TMEM217: variants seen among roughly 807,000 people sequenced by gnomAD.
TMEM217 encodes the protein transmembrane protein 217.
For synonymous variants in TMEM217, 76 were observed against 88.3 expected, an observed-to-expected ratio of 0.86 and a Z score of 0.78; for missense variants, 204 against 248.8, an observed-to-expected ratio of 0.82 and a Z score of 1.21.
intron 1 of TMEM217, among the ~76,000 whole-genome samples, chr6:37,229,351 T>TTG (rs1764056625): frequency 7.3e-6 from 1 of 136,428 alleles, no homozygotes; most frequent in African/African-American, 2.8e-5. Flanking sequence ...TTTTTTTTTT[T>TTG]TTTTTTTTTG....
At chr6:37,248,263 G>A (rs560570111) in intron 1 of TMEM217, among the ~76,000 whole-genome samples, 19 of 152,238 alleles carry the variant, frequency 1.2e-4, no homozygotes, top group Admixed American at 1.2e-3. Flanking sequence ...GGGGCTGTAT[G>A]TTTACAGTGC....
At chr6:37,257,706 A>G (rs1481570101) in exon 1 of TMEM217, 5 of 547,722 alleles carry the variant, frequency 9.1e-6, no homozygotes, top group African/African-American at 5.9e-5. Context: ...CCGGCTCCCA[A>G]TTGGTCGGCC....
intron 1 of TMEM217, among the ~76,000 whole-genome samples, chr6:37,238,976 A>G (rs993873146): frequency 1.9e-4 from 29 of 152,236 alleles, no homozygotes; most frequent in African/African-American, 5.3e-4. Flanking sequence ...CTAAAAATAC[A>G]AAAATTAGCC....
exon 2 of TMEM217, chr6:37,218,896 G>A: frequency 6.2e-7 from 1 of 1,614,080 alleles, no homozygotes; most frequent in South Asian, 1.1e-5. Flanking sequence ...ACTTTGGTGT[G>A]ATCTCAGTGC....
downstream of TMEM217, among the ~76,000 whole-genome samples, chr6:37,217,244 A>G (rs1763254183): frequency 6.6e-6 from 1 of 152,240 alleles, no homozygotes; most frequent in Non-Finnish European, 1.5e-5. Context: ...CAGTGAGCCG[A>G]GGTCGCACCA....
downstream of TMEM217, among the ~76,000 whole-genome samples, chr6:37,216,988 C>A (rs543271087): frequency 8.5e-5 from 13 of 152,254 alleles, no homozygotes; most frequent in African/African-American, 2.4e-4. Context: ...AATCTCAGCT[C>A]TTTATAAATT....
chr6:37,237,980 C>T (rs1764581766), intron 1 of TMEM217, among the ~76,000 whole-genome samples: 1 of 152,066 alleles, frequency 6.6e-6, no homozygotes, highest in Admixed American at 6.5e-5. Flanking sequence ...CAGCCAGATG[C>T]AAATTGCTGA....
At chr6:37,254,268 T>A (rs930170281) in intron 1 of TMEM217, among the ~76,000 whole-genome samples, 3 of 152,196 alleles carry the variant, frequency 2.0e-5, no homozygotes, top group Non-Finnish European at 4.4e-5. Flanking sequence ...ACTGGTCTAG[T>A]GGACCAGTGA....
Position 37,241,216 on chromosome 6 carries a change from G to A in TMEM217, c.-12+16352C>T, listed in dbSNP as rs1764749429. ...TGGGCCCCAGTCTCCCAAGTAGTTA[G>A]AACTACAGCTGCGTGACACCATACC... On this transcript the variant is annotated intron_variant, in intron 1 of 1. Coordinates refer to ENST00000357219, the Ensembl canonical transcript of TMEM217. 2.7e-5 allele frequency among the ~76,000 whole-genome samples: 4 copies of A among 150,272 alleles called. 1 individual carries two copies. In the South Asian group the frequency reaches 8.4e-4, roughly 32 times the overall value.
At chr6:37,213,051 C>T, downstream of TMEM217, 1 of 1,166,376 alleles carries the variant, frequency 8.6e-7, no homozygotes, top group Non-Finnish European at 1.2e-6. Context: ...TAGCCTTAGA[C>T]AAATCCCCCA....
chr6:37,224,218 C>T (rs1360670639), intron 1 of TMEM217, among the ~76,000 whole-genome samples: 5 of 150,544 alleles, frequency 3.3e-5, no homozygotes, highest in African/African-American at 1.2e-4. Context: ...GGATTACAGG[C>T]GTGAGCCACC....
chr6:37,236,006 C>T (rs887959362), intron 1 of TMEM217, among the ~76,000 whole-genome samples: 2 of 152,082 alleles, frequency 1.3e-5, no homozygotes, highest in African/African-American at 4.8e-5. Flanking sequence ...AATATTCATA[C>T]TAGAAAAATA....
chr6:37,221,194 T>C (rs927015524), intron 1 of TMEM217, among the ~76,000 whole-genome samples: 17 of 151,864 alleles, frequency 1.1e-4, no homozygotes, highest in Non-Finnish European at 1.3e-4. Flanking sequence ...TGGAGTCTTT[T>C]TTTTTTTTTT....
intron 1 of TMEM217, among the ~76,000 whole-genome samples, chr6:37,244,096 C>T: frequency 6.6e-6 from 1 of 152,238 alleles, no homozygotes; most frequent in East Asian, 1.9e-4. Context: ...TTTAGTAGAA[C>T]TCAGGCCCCT....
In TMEM217 at chr6:37,257,662, A is replaced by G. The variant is rs957764449; in HGVS notation, c.-106T>C. The G allele has an allele frequency of 2.6e-4, 135 of 519,350 alleles. 2 individuals carry two copies. In the South Asian group the frequency reaches 2.9e-3, roughly 11 times the overall value. The allele number at this position is 519,350 out of a possible 1,614,324, so 32.2% of individuals were successfully genotyped here. ...CGTCCACCTGTGTGCCCAGCCCCTG[A>G]CGTTACCGGTCGGCTTCAGCGGCCT... On this transcript the variant is annotated 5_prime_UTR_variant, in exon 1 of 2. Transcript: ENST00000357219.
At chr6:37,247,065 A>T (rs1170313497) in intron 1 of TMEM217, among the ~76,000 whole-genome samples, 1 of 152,206 alleles carries the variant, frequency 6.6e-6, no homozygotes, top group Non-Finnish European at 1.5e-5. Flanking sequence ...AGATCTGGTC[A>T]TGTCATGTCC....
At chr6:37,256,400 T>G (rs1189766781) in intron 1 of TMEM217, among the ~76,000 whole-genome samples, 2 of 152,180 alleles carry the variant, frequency 1.3e-5, no homozygotes, top group African/African-American at 4.8e-5. Flanking sequence ...TCTTTGGGCT[T>G]AGTGTGCAGT....
At chr6:37,248,725 CT>C (rs1174301293) in intron 1 of TMEM217, among the ~76,000 whole-genome samples, 1 of 152,146 alleles carries the variant, frequency 6.6e-6, no homozygotes. Context: ...GTGGTTGCCT[CT>C]GGGGAGCAGA....
chr6:37,215,616 A>T (rs1763163167), downstream of TMEM217, among the ~76,000 whole-genome samples: 1 of 151,454 alleles, frequency 6.6e-6, no homozygotes, highest in Non-Finnish European at 1.5e-5. Flanking sequence ...AGAAAAAAGA[A>T]AACTTACAAT....
Sources: allele counts gnomAD v4.1 joint callset (sites outside exome capture counted in the v4.1 genomes callset), GRCh38; gene constraint gnomAD v4.1.1; transcripts MANE v1.5; gene names NCBI Gene and HGNC (gene_info 2026-07-23, HGNC 2026-07-21).